The following LRP1B variants were observed in gnomAD, a reference collection of about 807,000 sequenced individuals.
The protein encoded by LRP1B is LDL receptor related protein 1B, also known as low-density lipoprotein receptor-related protein 1B.
In LRP1B, 217 loss-of-function variants were observed where a neutral mutation model predicts 556.6. The ratio of observed to expected loss-of-function variants is 0.39; its 90% CI spans 0.35 to 0.44. The LOEUF (loss-of-function observed/expected upper bound fraction) is 0.44. Among genes scored for constraint, LRP1B ranks in the 20% least tolerant of loss-of-function variants. The pLI is 1.00. For missense variants in LRP1B, 5,053 were observed against 5,620.8 expected, an observed-to-expected ratio of 0.90 and a Z score of 3.23; for synonymous variants, 2,047 against 1,865.8, an observed-to-expected ratio of 1.10 and a Z score of -2.50.
At chr2:140,698,898 T>C (rs1329834555) in intron 41 of LRP1B, among the ~76,000 whole-genome samples, 1 of 152,084 alleles carries the variant, frequency 6.6e-6, no homozygotes, top group Non-Finnish European at 1.5e-5. Context: ...CTTCTAAATG[T>C]TGACACATTT....
At chr2:140,780,724 T>C (rs1426641667) in intron 32 of LRP1B, among the ~76,000 whole-genome samples, 3 of 152,184 alleles carry the variant, frequency 2.0e-5, no homozygotes, top group Admixed American at 1.3e-4. Context: ...CTGGGTTACA[T>C]TCATTTAAAA....
At chr2:141,691,420 A>T (rs962235302) in intron 2 of LRP1B, among the ~76,000 whole-genome samples, 1 of 114,514 alleles carries the variant, frequency 8.7e-6, no homozygotes, top group Admixed American at 9.7e-5. Context: ...TTTTCTTCTG[A>T]GTAAGAAGAA....
chr2:141,973,664 TTAAG>T (rs1234201242), intron 1 of LRP1B, among the ~76,000 whole-genome samples: 1 of 151,830 alleles, frequency 6.6e-6, no homozygotes, highest in Non-Finnish European at 1.5e-5. Context: ...TACAAAATAA[TTAAG>T]TATTTATTAT....
intron 27 of LRP1B, among the ~76,000 whole-genome samples, chr2:140,860,974 G>GTAT (rs1692770886): frequency 7.4e-6 from 1 of 134,808 alleles, no homozygotes; most frequent in Non-Finnish European, 1.6e-5. Flanking sequence ...AGAGAATTGT[G>GTAT]CATCTATCTA....
intron 2 of LRP1B, among the ~76,000 whole-genome samples, chr2:141,733,251 A>T (rs1172713461): frequency 6.6e-6 from 1 of 152,110 alleles, no homozygotes; most frequent in Non-Finnish European, 1.5e-5. Flanking sequence ...TGATACCACA[A>T]GGTTCCAGTT....
intron 3 of LRP1B, among the ~76,000 whole-genome samples, chr2:141,439,750 T>G (rs986941205): frequency 6.6e-6 from 1 of 152,096 alleles, no homozygotes; most frequent in Admixed American, 6.5e-5. Flanking sequence ...ACACACACAC[T>G]CACACACAAC....
chr2:140,437,371 C>T (rs1686231076), intron 66 of LRP1B, among the ~76,000 whole-genome samples: 2 of 152,348 alleles, frequency 1.3e-5, no homozygotes, highest in South Asian at 4.1e-4. Context: ...GCTCCCTCAA[C>T]ACCTCCCAGC....
intron 67 of LRP1B, among the ~76,000 whole-genome samples, chr2:140,381,524 T>C (rs1447926082): frequency 2.6e-5 from 4 of 152,112 alleles, no homozygotes; most frequent in African/African-American, 9.7e-5. Flanking sequence ...TTGCAGGGTA[T>C]GTTTTCCATG....
chr2:141,269,806 C>T (rs570946148), intron 3 of LRP1B, among the ~76,000 whole-genome samples: 5 of 152,218 alleles, frequency 3.3e-5, no homozygotes, highest in African/African-American at 1.2e-4. Flanking sequence ...AAGACTCTGC[C>T]TTTCAGAAGC....
intron 2 of LRP1B, among the ~76,000 whole-genome samples, chr2:141,743,501 C>G (rs77280327): frequency 8.4e-6 from 1 of 119,030 alleles, no homozygotes; most frequent in African/African-American, 3.7e-5. Context: ...TTTTTTTTTT[C>G]TTTTTTTTTT....
At chr2:141,513,998 G>A (rs1380093652) in intron 2 of LRP1B, among the ~76,000 whole-genome samples, 1 of 152,030 alleles carries the variant, frequency 6.6e-6, no homozygotes, top group Admixed American at 6.6e-5. Flanking sequence ...CCAGAAGCAG[G>A]GCTTAGTCAC....
At chr2:141,708,071 T>C (rs185838259) in intron 2 of LRP1B, among the ~76,000 whole-genome samples, 116 of 152,196 alleles carry the variant, frequency 7.6e-4, no homozygotes, top group Admixed American at 3.1e-3. Flanking sequence ...GTTAAGAAAA[T>C]GATGGGGAGT....
At chr2:142,098,134 TACCACACAGC>T (rs1357110653) in intron 1 of LRP1B, among the ~76,000 whole-genome samples, 2 of 151,718 alleles carry the variant, frequency 1.3e-5, no homozygotes, top group African/African-American at 4.8e-5. Context: ...CATATTCCTC[TACCACACAGC>T]ACCACACTAA....
intron 66 of LRP1B, among the ~76,000 whole-genome samples, chr2:140,409,281 T>C (rs16843919): frequency 0.017 from 2,530 of 151,970 alleles, 77 homozygotes; most frequent in African/African-American, 0.058. Flanking sequence ...AAGTCGGTGA[T>C]GTGATATCTA....
chr2:140,335,988 T>A (rs577298373), intron 77 of LRP1B, 150 bp from the exon 78 acceptor site: 1 of 624,748 alleles, frequency 1.6e-6, no homozygotes, highest in South Asian at 1.9e-5. Context: ...TTAATGCTAT[T>A]TTCAATCTTT....
intron 1 of LRP1B, among the ~76,000 whole-genome samples, chr2:141,878,279 G>C (rs1026609286): frequency 1.3e-5 from 2 of 151,820 alleles, no homozygotes; most frequent in Non-Finnish European, 2.9e-5. Flanking sequence ...GAGATGCAAA[G>C]GAATTTAAAC....
intron 1 of LRP1B, among the ~76,000 whole-genome samples, chr2:142,043,078 C>T (rs559202897): frequency 6.6e-6 from 1 of 151,652 alleles, no homozygotes; most frequent in African/African-American, 2.4e-5. Context: ...TTCTTTACCT[C>T]TACCTAATCA....
intron 7 of LRP1B, among the ~76,000 whole-genome samples, chr2:141,077,470 A>G (rs925922449): frequency 1.1e-4 from 17 of 152,224 alleles, no homozygotes; most frequent in African/African-American, 4.1e-4. Context: ...ATCAGGTTCT[A>G]TGATATTCAG....
chr2:141,885,510 G>A (rs757372333), intron 1 of LRP1B, among the ~76,000 whole-genome samples: 6 of 152,072 alleles, frequency 3.9e-5, no homozygotes, highest in East Asian at 1.9e-4. Context: ...AACAAAAAAC[G>A]CTGTGGAATG....
Sources: allele counts gnomAD v4.1 joint callset (sites outside exome capture counted in the v4.1 genomes callset), GRCh38; gene constraint gnomAD v4.1.1; transcripts MANE v1.5; gene names NCBI Gene and HGNC (gene_info 2026-07-23, HGNC 2026-07-21).